PTPRD: variants seen among roughly 807,000 people sequenced by gnomAD.
The protein encoded by PTPRD is receptor-type tyrosine-protein phosphatase delta.
PTPRD carries 34 observed loss-of-function variants against 214.5 expected under a neutral mutation model. That is an observed-to-expected ratio of 0.16 (90% CI 0.12 to 0.21). The LOEUF (loss-of-function observed/expected upper bound fraction) is 0.21. PTPRD is among the 10% of genes least tolerant of loss of function. The pLI is 1.00. For missense variants in PTPRD, 2,545 were observed against 2,398.7 expected (o/e 1.06, Z -1.27); for synonymous variants, 1,128 against 845.7 (o/e 1.33, Z -5.79).
At chr9:10,428,316 A>G (rs1252768180) in intron 2 of PTPRD, among the ~76,000 whole-genome samples, 1 of 152,060 alleles carries the variant, frequency 6.6e-6, no homozygotes, top group Non-Finnish European at 1.5e-5. Context: ...TGGGGGAAAA[A>G]AAATCATATT....
chr9:8,682,723 G>A (rs1332204593), intron 12 of PTPRD, among the ~76,000 whole-genome samples: 1 of 152,022 alleles, frequency 6.6e-6, no homozygotes, highest in African/African-American at 2.4e-5. Context: ...AAATGGGGGA[G>A]GTCTGAGTAT....
chr9:8,736,313 A>C (rs2090369570), intron 11 of PTPRD, among the ~76,000 whole-genome samples: 1 of 152,200 alleles, frequency 6.6e-6, no homozygotes, highest in African/African-American at 2.4e-5. Flanking sequence ...CTTAATGAAA[A>C]ATTTAAAAAT....
intron 2 of PTPRD, among the ~76,000 whole-genome samples, chr9:10,443,593 C>T (rs2098776408): frequency 6.6e-6 from 1 of 151,614 alleles, no homozygotes; most frequent in African/African-American, 2.4e-5. Flanking sequence ...CTTAATGTTA[C>T]ATTACTTGAT....
At chr9:9,723,199 G>A (rs1489483638) in intron 7 of PTPRD, among the ~76,000 whole-genome samples, 4 of 152,040 alleles carry the variant, frequency 2.6e-5, no homozygotes, top group Non-Finnish European at 5.9e-5. Flanking sequence ...TATGTGGTTT[G>A]AGATAGGGAT....
At chr9:9,298,711 C>A (rs1342998389) in intron 9 of PTPRD, among the ~76,000 whole-genome samples, 2 of 151,646 alleles carry the variant, frequency 1.3e-5, no homozygotes, top group South Asian at 2.1e-4. Flanking sequence ...ATTCCCTTAG[C>A]AATGGGCTGT....
Position 8,492,988 on chromosome 9 carries a change from A to G in PTPRD, c.2350-9T>C, listed in dbSNP as rs757615552. Reference sequence around the variant, plus strand: ...CCAGAAATGATCATGTCCTGAAATGACAAAATAGAATGTCACTGATTCAAA... The same window carrying G: ...CCAGAAATGATCATGTCCTGAAATGGCAAAATAGAATGTCACTGATTCAAA... On this transcript the variant is annotated splice_polypyrimidine_tract_variant and intron_variant, in intron 26 of 45. Transcript: ENST00000381196. 7 of 1,599,282 alleles carry G rather than the reference A, an allele frequency of 4.4e-6. No homozygotes were observed. In the African/African-American group the frequency reaches 5.4e-5, roughly 12 times the overall value.
At chr9:10,146,702 G>A (rs2099025020) in intron 3 of PTPRD, among the ~76,000 whole-genome samples, 3 of 152,220 alleles carry the variant, frequency 2.0e-5, no homozygotes, top group South Asian at 2.1e-4. Flanking sequence ...ACAAGAAGCC[G>A]ACCGAGCACT....
intron 2 of PTPRD, among the ~76,000 whole-genome samples, chr9:10,360,914 A>G (rs1036934787): frequency 2.0e-5 from 3 of 152,108 alleles, no homozygotes; most frequent in Admixed American, 2.0e-4. Flanking sequence ...CATCCTGGCT[A>G]ACACGATGAA....
chr9:9,801,477 C>A (rs865941086), intron 5 of PTPRD, among the ~76,000 whole-genome samples: 7 of 152,140 alleles, frequency 4.6e-5, no homozygotes, highest in Admixed American at 1.3e-4. Flanking sequence ...CTCACTGAGG[C>A]TCTTATTACA....
chr9:10,197,531 G>A (rs1281318897), intron 3 of PTPRD, among the ~76,000 whole-genome samples: 2 of 152,046 alleles, frequency 1.3e-5, no homozygotes, highest in Non-Finnish European at 2.9e-5. Flanking sequence ...ACTTATTACA[G>A]GGAACTATAT....
chr9:10,609,075 A>T (rs1288994294), intron 2 of PTPRD, among the ~76,000 whole-genome samples: 1 of 152,064 alleles, frequency 6.6e-6, no homozygotes, highest in African/African-American at 2.4e-5. Context: ...TTGTCATATC[A>T]TTTGCATTGT....
At chr9:8,363,202 AT>A (rs1485464502) in intron 39 of PTPRD, among the ~76,000 whole-genome samples, 1 of 152,188 alleles carries the variant, frequency 6.6e-6, no homozygotes, top group Non-Finnish European at 1.5e-5. Context: ...TCTTATATAC[AT>A]TTATCTTCTG....
intron 3 of PTPRD, among the ~76,000 whole-genome samples, chr9:10,133,019 G>C (rs1035323779): frequency 6.6e-6 from 1 of 152,094 alleles, no homozygotes; most frequent in Non-Finnish European, 1.5e-5. Context: ...ACTTGTTCTA[G>C]AGGAAGTCAA....
intron 3 of PTPRD, among the ~76,000 whole-genome samples, chr9:10,088,829 G>T (rs1417771178): frequency 6.6e-6 from 1 of 151,666 alleles, no homozygotes; most frequent in Admixed American, 6.6e-5. Flanking sequence ...GCTATGAATG[G>T]ATATCGTATT....
intron 3 of PTPRD, among the ~76,000 whole-genome samples, chr9:10,123,212 G>A (rs999028736): frequency 6.6e-6 from 1 of 152,210 alleles, no homozygotes; most frequent in South Asian, 2.1e-4. Context: ...AGCTACATAG[G>A]TGCTCCTTCC....
At chr9:9,982,320 A>G (rs949068612) in intron 4 of PTPRD, among the ~76,000 whole-genome samples, 1 of 152,162 alleles carries the variant, frequency 6.6e-6, no homozygotes, top group African/African-American at 2.4e-5. Flanking sequence ...ATATTGCAAC[A>G]CATTGTCTTT....
chr9:9,894,506 A>G (rs562426244), intron 5 of PTPRD, among the ~76,000 whole-genome samples: 3 of 152,000 alleles, frequency 2.0e-5, no homozygotes, highest in Admixed American at 2.0e-4. Flanking sequence ...TTTTCCTGAT[A>G]CACCTATTTT....
intron 11 of PTPRD, among the ~76,000 whole-genome samples, chr9:8,833,711 T>C (rs1459233896): frequency 0.17 from 22,786 of 137,002 alleles, 2,238 homozygotes; most frequent in African/African-American, 0.28. Flanking sequence ...TATATATATA[T>C]ATATACACAC....
At chr9:10,037,695 G>C (rs531028048) in intron 3 of PTPRD, among the ~76,000 whole-genome samples, 1 of 152,032 alleles carries the variant, frequency 6.6e-6, no homozygotes, top group East Asian at 1.9e-4. Flanking sequence ...ATATTTGAGA[G>C]AGGATCAATC....
Sources: gnomAD v4.1 joint callset for allele counts (sites outside exome capture counted in the v4.1 genomes callset) on GRCh38, gnomAD v4.1.1 for gene constraint, MANE v1.5 for transcripts, NCBI Gene and HGNC (gene_info 2026-07-23, HGNC 2026-07-21) for gene names.